Variants in CTNNA2 observed in about 807,000 individuals in gnomAD.
CTNNA2 encodes the protein catenin alpha-2.
Under a neutral mutation model 101.0 loss-of-function variants are expected in CTNNA2, and 42 were observed. The ratio of observed to expected loss-of-function variants is 0.42; its 90% CI spans 0.32 to 0.54. The LOEUF (loss-of-function observed/expected upper bound fraction) is 0.54. Among genes scored for constraint, CTNNA2 ranks in the 20% least tolerant of loss-of-function variants. CTNNA2 has a pLI of 0.14. For synonymous variants in CTNNA2, 450 were observed against 456.4 expected (o/e 0.99, Z 0.18); for missense variants, 871 against 1,223.1 (o/e 0.71, Z 4.29).
intron 1 of CTNNA2, among the ~76,000 whole-genome samples, chr2:79,601,119 G>A (rs2104080907): frequency 1.3e-5 from 2 of 152,296 alleles, no homozygotes; most frequent in African/African-American, 4.8e-5. Context: ...TCACATTGCA[G>A]ATAGAAATAT....
chr2:79,973,742 G>A (rs991009651), intron 7 of CTNNA2, among the ~76,000 whole-genome samples: 6 of 152,252 alleles, frequency 3.9e-5, no homozygotes, highest in Middle Eastern at 3.4e-3. Context: ...GAAAAACTGA[G>A]GAGTGTTACA....
At chr2:80,392,878 G>T (rs1348345972) in intron 7 of CTNNA2, among the ~76,000 whole-genome samples, 1 of 152,060 alleles carries the variant, frequency 6.6e-6, no homozygotes, top group African/African-American at 2.4e-5. Flanking sequence ...GACACACAAA[G>T]CATTTGTATT....
chr2:79,387,381 G>A (rs973535762), intron 4 of CTNNA2, among the ~76,000 whole-genome samples: 42 of 152,154 alleles, frequency 2.8e-4, no homozygotes, highest in Non-Finnish European at 2.9e-5. Context: ...AGCTCGTCAG[G>A]GAATCACTTT....
intron 4 of CTNNA2, among the ~76,000 whole-genome samples, chr2:79,425,285 A>G (rs1678581660): frequency 6.6e-6 from 1 of 152,196 alleles, no homozygotes; most frequent in Non-Finnish European, 1.5e-5. Flanking sequence ...CTGCATGGAC[A>G]TGTGTGCACA....
chr2:79,408,018 C>A (rs1424604561), intron 4 of CTNNA2, among the ~76,000 whole-genome samples: 2 of 152,028 alleles, frequency 1.3e-5, no homozygotes. Flanking sequence ...TTTGTCTGGA[C>A]TTCCCAGACT....
At chr2:79,813,350 A>C (rs1357279032) in intron 3 of CTNNA2, among the ~76,000 whole-genome samples, 1 of 152,190 alleles carries the variant, frequency 6.6e-6, no homozygotes, top group African/African-American at 2.4e-5. Flanking sequence ...CCCACAGAGA[A>C]ATTTATGAAA....
rs145192160 is a variant in CTNNA2 at position 80,528,326 on chromosome 2, A to G, written c.1291-16656A>G. On this transcript the variant is annotated intron_variant, in intron 9 of 18. Transcript: ENST00000402739. Reference sequence around the variant, plus strand: ...ATTCTCCTGCCTCAGCCTCCTGAGTAGCTGGGACTACAGGCACTCACCACC... The same window carrying G: ...ATTCTCCTGCCTCAGCCTCCTGAGTGGCTGGGACTACAGGCACTCACCACC... Among the ~76,000 whole-genome samples the G allele has an allele frequency of 5.0e-3, 765 of 152,132 alleles. 7 individuals are homozygous for G. Among genetic ancestry groups the G allele is most frequent in the African/African-American group, 0.018 (733 of 41,496 alleles).
At chr2:79,513,956 G>C (rs1346065540) in intron 1 of CTNNA2, among the ~76,000 whole-genome samples, 1 of 152,194 alleles carries the variant, frequency 6.6e-6, no homozygotes, top group Non-Finnish European at 1.5e-5. Flanking sequence ...GAGAGGAAGG[G>C]AGGTGGCAGT....
intron 2 of CTNNA2, among the ~76,000 whole-genome samples, chr2:79,282,027 C>G (rs1487428037): frequency 6.6e-6 from 1 of 151,988 alleles, no homozygotes; most frequent in Admixed American, 6.6e-5. Context: ...ACATGGTTAT[C>G]TTTTATAGTG....
intron 7 of CTNNA2, among the ~76,000 whole-genome samples, chr2:80,169,281 G>A (rs973954893): frequency 2.0e-5 from 3 of 152,134 alleles, no homozygotes; most frequent in African/African-American, 7.2e-5. Flanking sequence ...TCATGAGCAC[G>A]AAATTCCTCA....
chr2:80,275,148 A>AC lies in CTNNA2; in HGVS notation c.1057-118058dup, dbSNP rs372539693. 6.6e-4 allele frequency among the ~76,000 whole-genome samples: 100 copies of AC among 152,078 alleles called. 1 individual carries two copies. The highest frequency in any genetic ancestry group is 2.4e-3 in the African/African-American group (98 of 41,476). On this transcript the variant is annotated intron_variant, in intron 7 of 18. Coordinates refer to ENST00000402739, the MANE Select transcript of CTNNA2 (RefSeq NM_001282597.3). ...TTCATAATAACCTCCCTTAAGTCAA[A>AC]CCCCCGTGACCTCTTGGTCACATGA...
chr2:80,372,897 A>G (rs1254955785), intron 7 of CTNNA2, among the ~76,000 whole-genome samples: 4 of 152,206 alleles, frequency 2.6e-5, no homozygotes, highest in Non-Finnish European at 4.4e-5. Flanking sequence ...GGGGAAAAAT[A>G]CACTGGAATC....
chr2:80,162,619 C>G (rs949756863), intron 7 of CTNNA2: 2 of 1,611,450 alleles, frequency 1.2e-6, no homozygotes, highest in Admixed American at 1.7e-5. Context: ...TAATGTCTAT[C>G]TGCTAGGTAG....
rs143440768 is a variant in CTNNA2 at position 80,639,463 on chromosome 2, G to T, written c.2575-8122G>T. Among the ~76,000 whole-genome samples, 796 of 151,706 alleles carry T rather than the reference G, an allele frequency of 5.2e-3. 3 individuals carry two copies. Among genetic ancestry groups the T allele is most frequent in the Non-Finnish European group, 8.9e-3 (607 of 67,922 alleles). ...GACCTCAAGTGATCCGCCCACCTCG[G>T]CCTCCTAAAATGCTGGGATTATAGG... On this transcript the variant is annotated intron_variant, in intron 18 of 18. Transcript: ENST00000402739.
chr2:79,704,230 T>C (rs1685196796), intron 2 of CTNNA2, among the ~76,000 whole-genome samples: 1 of 152,200 alleles, frequency 6.6e-6, no homozygotes, highest in Admixed American at 6.5e-5. Flanking sequence ...AAGAGGTTTA[T>C]TGCCTAGTGA....
At chr2:79,606,393 G>A (rs1280910206) in intron 1 of CTNNA2, among the ~76,000 whole-genome samples, 13 of 151,928 alleles carry the variant, frequency 8.6e-5, no homozygotes, top group African/African-American at 3.1e-4. Flanking sequence ...TCAGCCTCCC[G>A]AGTAGCTGGG....
intron 4 of CTNNA2, among the ~76,000 whole-genome samples, chr2:79,863,889 G>A (rs1403726323): frequency 2.6e-5 from 4 of 152,092 alleles, no homozygotes; most frequent in Non-Finnish European, 5.9e-5. Flanking sequence ...TTCATGGAGG[G>A]GTGTCTTGCT....
intron 9 of CTNNA2, among the ~76,000 whole-genome samples, chr2:80,435,124 C>T (rs1161258054): frequency 3.9e-5 from 6 of 152,288 alleles, no homozygotes; most frequent in Admixed American, 3.9e-4. Flanking sequence ...CCTCTAATTG[C>T]AACAACCAAA....
intron 2 of CTNNA2, among the ~76,000 whole-genome samples, chr2:79,205,224 G>A (rs1162810750): frequency 6.6e-6 from 1 of 152,170 alleles, no homozygotes; most frequent in Non-Finnish European, 1.5e-5. Context: ...ATGCTGGAGA[G>A]ACCACATGGA....
Sources: gnomAD v4.1 joint callset for allele counts (sites outside exome capture counted in the v4.1 genomes callset) on GRCh38, gnomAD v4.1.1 for gene constraint, MANE v1.5 for transcripts, NCBI Gene and HGNC (gene_info 2026-07-23, HGNC 2026-07-21) for gene names.